SGCZ: variants seen among roughly 807,000 people sequenced by gnomAD.
SGCZ encodes sarcoglycan zeta.
In SGCZ, 40 loss-of-function variants were observed where a neutral mutation model predicts 41.3. That is an observed-to-expected ratio of 0.97 (90% CI 0.75 to 1.26). The LOEUF is 1.26. SGCZ is among the 50% of genes most tolerant of loss of function. SGCZ has a pLI of 0.00. For synonymous variants in SGCZ, 206 were observed against 137.5 expected, an observed-to-expected ratio of 1.50 and a Z score of -3.49; for missense variants, 552 against 369.8, an observed-to-expected ratio of 1.49 and a Z score of -4.04.
chr8:14,422,705 G>C (rs977399023), intron 2 of SGCZ, among the ~76,000 whole-genome samples: 1 of 152,164 alleles, frequency 6.6e-6, no homozygotes, highest in Admixed American at 6.5e-5. Flanking sequence ...ATAGTTTTTA[G>C]GACAAGTCTA....
intron 1 of SGCZ, among the ~76,000 whole-genome samples, chr8:14,558,446 G>C (rs981409410): frequency 6.6e-6 from 1 of 151,938 alleles, no homozygotes; most frequent in Non-Finnish European, 1.5e-5. Context: ...GTGGTGGTGG[G>C]TGCCTATAAT....
intron 2 of SGCZ, among the ~76,000 whole-genome samples, chr8:14,403,081 C>A (rs1481981812): frequency 7.0e-6 from 1 of 142,520 alleles, no homozygotes; most frequent in Non-Finnish European, 1.5e-5. Context: ...CATGATTTGG[C>A]TCTCTGTTTG....
chr8:14,820,429 C>T (rs552532548), intron 1 of SGCZ, among the ~76,000 whole-genome samples: 2 of 152,158 alleles, frequency 1.3e-5, no homozygotes, highest in African/African-American at 4.8e-5. Flanking sequence ...GAGTTCCCCA[C>T]TTTCATCTAG....
At chr8:14,543,453 A>G (rs1803530286) in intron 2 of SGCZ, among the ~76,000 whole-genome samples, 1 of 152,100 alleles carries the variant, frequency 6.6e-6, no homozygotes, top group African/African-American at 2.4e-5. Context: ...AATGAAGTCT[A>G]GACAGCCTCC....
chr8:14,857,569 AG>A, intron 1 of SGCZ, among the ~76,000 whole-genome samples: 1 of 152,274 alleles, frequency 6.6e-6, no homozygotes, highest in Admixed American at 6.5e-5. Flanking sequence ...TGTTTTAAAA[AG>A]GTGCAGATTT....
At chr8:15,003,418 C>G (rs1360603535) in intron 1 of SGCZ, among the ~76,000 whole-genome samples, 2 of 152,088 alleles carry the variant, frequency 1.3e-5, no homozygotes, top group African/African-American at 4.8e-5. Flanking sequence ...GAATTGGCAA[C>G]CCTTCCCAGA....
chr8:14,919,819 G>A (rs1429067613), intron 1 of SGCZ, among the ~76,000 whole-genome samples: 1 of 152,030 alleles, frequency 6.6e-6, no homozygotes, highest in Non-Finnish European at 1.5e-5. Flanking sequence ...TCGGGAAACT[G>A]GGGCAGTAGA....
At chr8:15,141,504 A>C (rs748069715) in intron 1 of SGCZ, among the ~76,000 whole-genome samples, 4 of 152,242 alleles carry the variant, frequency 2.6e-5, no homozygotes, top group Non-Finnish European at 4.4e-5. Flanking sequence ...GATTTTAGGA[A>C]GTAATTGTAC....
intron 1 of SGCZ, among the ~76,000 whole-genome samples, chr8:15,107,621 G>C (rs145507848): frequency 3.3e-5 from 5 of 152,228 alleles, no homozygotes; most frequent in Non-Finnish European, 5.9e-5. Context: ...GAACTTCCCA[G>C]CCTGCAGGAC....
chr8:14,330,554 A>G (rs1172398954), intron 2 of SGCZ, among the ~76,000 whole-genome samples: 1 of 152,106 alleles, frequency 6.6e-6, no homozygotes, highest in Non-Finnish European at 1.5e-5. Flanking sequence ...CGATTTAAGA[A>G]TATTTAAATT....
intron 2 of SGCZ, among the ~76,000 whole-genome samples, chr8:14,462,762 A>T (rs187164433): frequency 6.6e-6 from 1 of 151,922 alleles, no homozygotes; most frequent in Admixed American, 6.6e-5. Flanking sequence ...AGAAAAAGTC[A>T]TTGGGATTTG....
At chr8:14,660,781 G>C (rs1441796814) in intron 1 of SGCZ, among the ~76,000 whole-genome samples, 1 of 151,990 alleles carries the variant, frequency 6.6e-6, no homozygotes, top group Non-Finnish European at 1.5e-5. Context: ...GAAGAAACTG[G>C]AGAGGCCATA....
intron 3 of SGCZ, among the ~76,000 whole-genome samples, chr8:14,317,073 T>C (rs1192948156): frequency 6.6e-6 from 1 of 152,092 alleles, no homozygotes; most frequent in Non-Finnish European, 1.5e-5. Flanking sequence ...AAATTTGCCA[T>C]CAAATCCTTT....
chr8:15,172,244 C>T (rs1799861815), intron 1 of SGCZ, among the ~76,000 whole-genome samples: 1 of 137,214 alleles, frequency 7.3e-6, no homozygotes, highest in African/African-American at 2.8e-5. Flanking sequence ...TCACTGCAAG[C>T]TCCGCCTCCC....
chr8:14,427,403 G>A (rs1433583366), intron 2 of SGCZ, among the ~76,000 whole-genome samples: 1 of 152,122 alleles, frequency 6.6e-6, no homozygotes, highest in Middle Eastern at 3.2e-3. Context: ...AAGGCATTTT[G>A]TTTGGACCAT....
intron 1 of SGCZ, among the ~76,000 whole-genome samples, chr8:14,933,640 G>T (rs1799991954): frequency 6.6e-6 from 1 of 151,744 alleles, no homozygotes; most frequent in Non-Finnish European, 1.5e-5. Flanking sequence ...TTTTAGTAGA[G>T]ATGGGGTTCT....
In SGCZ at chr8:14,660,164, A is replaced by G. The variant is rs79176765; in HGVS notation, c.40-105238T>C. On this transcript the variant is annotated intron_variant, in intron 1 of 7. Transcript: ENST00000382080. ...ATGCAGTGTATTGCCAGAATACAAT[A>G]TTGCATGTCCTTATATTCTGGCAGC... 4.7e-3 allele frequency among the ~76,000 whole-genome samples: 722 copies of G among 152,268 alleles called. 13 individuals are homozygous for G. In the East Asian group the frequency reaches 0.056, roughly 12 times the overall value.
chr8:14,153,944 C>G (rs7813453), intron 5 of SGCZ, among the ~76,000 whole-genome samples: 24,099 of 112,406 alleles, frequency 0.21, 2,064 homozygotes, highest in African/African-American at 0.35. Flanking sequence ...CACACAGACA[C>G]ACACACACAC....
chr8:14,639,110 A>G (rs1199700291), intron 1 of SGCZ, among the ~76,000 whole-genome samples: 2 of 143,872 alleles, frequency 1.4e-5, no homozygotes, highest in East Asian at 4.4e-4. Flanking sequence ...GCAGTGGTGC[A>G]CTCTTGGCTC....
Sources: allele counts gnomAD v4.1 joint callset (sites outside exome capture counted in the v4.1 genomes callset), GRCh38; gene constraint gnomAD v4.1.1; transcripts MANE v1.5; gene names NCBI Gene and HGNC (gene_info 2026-07-23, HGNC 2026-07-21).